Variants in RNF125 observed in about 807,000 individuals in gnomAD.
RNF125 encodes ring finger protein 125.
In RNF125, 21 loss-of-function variants were observed where a neutral mutation model predicts 26.0. The observed-to-expected ratio is 0.81, with a 90% CI of 0.57 to 1.16. RNF125 has a LOEUF of 1.16. Among genes scored for constraint, RNF125 ranks in the 50% most tolerant of loss-of-function variants. The probability of loss-of-function intolerance (pLI) is 0.00; values close to 1 mark genes in which losing one functional copy is unlikely to be tolerated. For missense variants in RNF125, 270 were observed against 299.4 expected (o/e 0.90, Z 0.72); for synonymous variants, 95 against 109.2 (o/e 0.87, Z 0.81).
In RNF125 at chr18:32,032,807, C is replaced by T. The variant is rs563118819; in HGVS notation, c.165-4309C>T. On this transcript the variant is annotated intron_variant, in intron 1 of 5. Transcript: ENST00000217740. Reference sequence around the variant, plus strand: ...CTGGGAGGCAGAAGTTGCAGTGAGCCGAGATTGCGCCATTGCAGCCTGGGC... The same window carrying T: ...CTGGGAGGCAGAAGTTGCAGTGAGCTGAGATTGCGCCATTGCAGCCTGGGC... 7.9e-5 allele frequency among the ~76,000 whole-genome samples: 12 copies of T among 151,826 alleles called. 1 individual carries two copies. The South Asian group carries it at 1.9e-3, about 24-fold the overall frequency.
chr18:32,050,794 T>C (rs2039316271), intron 4 of RNF125, among the ~76,000 whole-genome samples: 1 of 149,960 alleles, frequency 6.7e-6, no homozygotes. Flanking sequence ...GAGAGAAATG[T>C]ATTTTATTCT....
In RNF125 at chr18:32,024,158, T is replaced by C. The variant is rs530476289; in HGVS notation, c.164+5131T>C. On this transcript the variant is annotated intron_variant, in intron 1 of 5. Coordinates refer to ENST00000217740, the MANE Select transcript of RNF125 (RefSeq NM_017831.4). ...ACTTCTAAACTAGACACAATTCGTTTTCCATTAACAAAAAAATCACACTTC... is the reference window on the plus strand; with the variant it reads ...ACTTCTAAACTAGACACAATTCGTTCTCCATTAACAAAAAAATCACACTTC... Among the ~76,000 whole-genome samples, 21 of 151,646 alleles carry C rather than the reference T, an allele frequency of 1.4e-4. No homozygotes were observed. In the South Asian group the frequency reaches 4.4e-3, roughly 31 times the overall value.
chr18:32,039,548 C>T (rs1377812191), intron 2 of RNF125, among the ~76,000 whole-genome samples: 4 of 152,076 alleles, frequency 2.6e-5, no homozygotes, highest in African/African-American at 9.7e-5. Context: ...AAATTAATAG[C>T]TTTTTACATT....
the RNF125 span, among the ~76,000 whole-genome samples, chr18:32,086,943 T>C: frequency 9.9e-5 from 15 of 152,266 alleles, no homozygotes; most frequent in Admixed American, 7.2e-4. Flanking sequence ...TGAGCCACCA[T>C]GCCTGGCCTT....
chr18:32,025,506 T>C (rs10164167), intron 1 of RNF125, among the ~76,000 whole-genome samples: 19,070 of 151,566 alleles, frequency 0.13, 1,566 homozygotes, highest in East Asian at 0.23. Flanking sequence ...TCTCTAAAAA[T>C]ACAAGAAAAT....
At chr18:32,054,086 C>CTT (rs35616121) in intron 4 of RNF125, among the ~76,000 whole-genome samples, 1,342 of 88,270 alleles carry the variant, frequency 0.015, 9 homozygotes, top group African/African-American at 0.021. Flanking sequence ...GACATTTGTA[C>CTT]TTTTTTTTTT....
the RNF125 span, among the ~76,000 whole-genome samples, chr18:32,080,419 A>G: frequency 6.6e-6 from 1 of 152,246 alleles, no homozygotes; most frequent in Non-Finnish European, 1.5e-5. Context: ...TCAAAGTCTT[A>G]TAACAAAATC....
chr18:32,047,709 G>A (rs1005025923), intron 4 of RNF125, among the ~76,000 whole-genome samples: 177 of 152,174 alleles, frequency 1.2e-3, no homozygotes, highest in African/African-American at 4.1e-3. Context: ...TGAGTTTTTA[G>A]GGGTTTTTAA....
rs118055763 is a variant in RNF125, at chr18:32,064,958, A to C, written c.505-944A>C. On this transcript the variant is annotated intron_variant, in intron 4 of 5. Coordinates refer to ENST00000217740, the MANE Select transcript of RNF125 (RefSeq NM_017831.4). ...ATATCCATATACAAACAAGTATTCC[A>C]AGAGGTAGGCAAACTAATTAAGTAA... 7.0e-3 allele frequency among the ~76,000 whole-genome samples: 1,062 copies of C among 152,332 alleles called. 12 individuals are homozygous for C. The highest frequency in any genetic ancestry group is 9.7e-3 in the Non-Finnish European group (659 of 68,028).
At chr18:32,036,895 G>A (rs1405666197) in intron 1 of RNF125, among the ~76,000 whole-genome samples, 3 of 152,084 alleles carry the variant, frequency 2.0e-5, no homozygotes, top group East Asian at 1.9e-4. Flanking sequence ...TTCTTGAAAT[G>A]TGTGAAAGTG....
the RNF125 span, among the ~76,000 whole-genome samples, chr18:32,079,033 T>C: frequency 6.6e-6 from 1 of 152,200 alleles, no homozygotes; most frequent in Non-Finnish European, 1.5e-5. Flanking sequence ...TTTATATATC[T>C]GAGATCCATG....
At chr18:32,026,656 G>T (rs2039040097) in intron 1 of RNF125, among the ~76,000 whole-genome samples, 1 of 152,124 alleles carries the variant, frequency 6.6e-6, no homozygotes, top group East Asian at 1.9e-4. Context: ...CTCCTCACCT[G>T]TTTGGTTCCC....
intron 1 of RNF125, among the ~76,000 whole-genome samples, chr18:32,019,586 C>G (rs1276055533): frequency 6.6e-6 from 1 of 152,142 alleles, no homozygotes; most frequent in East Asian, 1.9e-4. Flanking sequence ...AGTGTCTTTC[C>G]ACCCCCACCC....
chr18:32,082,349 C>T, the RNF125 span, among the ~76,000 whole-genome samples: 20 of 151,984 alleles, frequency 1.3e-4, no homozygotes, highest in East Asian at 3.7e-3. Flanking sequence ...CATATATATA[C>T]ATGGACACAC....
chr18:32,067,334 A>T (rs2039494059), intron 5 of RNF125, among the ~76,000 whole-genome samples: 1 of 152,214 alleles, frequency 6.6e-6, no homozygotes, highest in Admixed American at 6.5e-5. Flanking sequence ...AATCATGCTC[A>T]GTCTGTTCTC....
downstream of RNF125, among the ~76,000 whole-genome samples, chr18:32,076,519 G>A (rs563875629): frequency 1.3e-5 from 2 of 152,132 alleles, no homozygotes; most frequent in Admixed American, 1.3e-4. Context: ...GTCTCACTAT[G>A]TTGCCCAGGT....
intron 4 of RNF125, among the ~76,000 whole-genome samples, chr18:32,046,214 C>CAAAA (rs768054716): frequency 2.6e-4 from 20 of 76,134 alleles, no homozygotes; most frequent in African/African-American, 8.5e-4. Context: ...AAGACTGTCT[C>CAAAA]AAAAAAAAAA....
chr18:32,026,564 C>A (rs150634949), intron 1 of RNF125, among the ~76,000 whole-genome samples: 296 of 152,160 alleles, frequency 1.9e-3, no homozygotes, highest in Non-Finnish European at 3.4e-3. Flanking sequence ...TTTGTGGGAG[C>A]AGAGAGAATG....
intron 4 of RNF125, among the ~76,000 whole-genome samples, chr18:32,057,323 C>A (rs1000239146): frequency 2.0e-5 from 3 of 151,018 alleles, no homozygotes; most frequent in Non-Finnish European, 2.9e-5. Context: ...TAAAATAGAA[C>A]CCCAAATGAC....
Sources: gnomAD v4.1 joint callset for allele counts (sites outside exome capture counted in the v4.1 genomes callset) on GRCh38, gnomAD v4.1.1 for gene constraint, MANE v1.5 for transcripts, NCBI Gene and HGNC (gene_info 2026-07-23, HGNC 2026-07-21) for gene names.